The following BCAS3 variants were observed in gnomAD, a reference collection of about 807,000 sequenced individuals.
BCAS3 encodes the protein BCAS3 microtubule associated cell migration factor.
BCAS3 carries 53 observed loss-of-function variants against 116.1 expected under a neutral mutation model. The ratio of observed to expected loss-of-function variants is 0.46; its 90% CI spans 0.37 to 0.57. The LOEUF (loss-of-function observed/expected upper bound fraction) is 0.57, where lower values mean the gene tolerates loss of function less well. Among genes scored for constraint, BCAS3 ranks in the 20% least tolerant of loss-of-function variants. The pLI, the probability that BCAS3 is intolerant of heterozygous loss-of-function variation, is 0.00. For missense variants in BCAS3, 917 were observed against 1,165.4 expected, an observed-to-expected ratio of 0.79 and a Z score of 3.10; for synonymous variants, 391 against 408.2, an observed-to-expected ratio of 0.96 and a Z score of 0.51.
At position 61,365,625 on chromosome 17, in the gene BCAS3, T is replaced by C. The variant is rs1291135207; in HGVS notation, c.2426-2702T>C. Among the ~76,000 whole-genome samples, 1 of 151,834 alleles carries C rather than the reference T, an allele frequency of 6.6e-6. No individual in the cohort carries two copies. Among genetic ancestry groups the C allele is most frequent in the African/African-American group, 2.4e-5 (1 of 41,372 alleles). On this transcript the variant is annotated intron_variant, in intron 22 of 23. Coordinates refer to ENST00000407086, the MANE Select transcript of BCAS3 (RefSeq NM_017679.5). This position sits in a 1 kb window ranked among gnomAD's most constrained non-coding sequence, Gnocchi z 4.6. Reference sequence around the variant, plus strand: ...CTGGGATTACAGGCGTGAGCCACCGTGCCTGGCCCAATTTCTTTTGTTTGT... The same window carrying C: ...CTGGGATTACAGGCGTGAGCCACCGCGCCTGGCCCAATTTCTTTTGTTTGT...
At position 61,381,726 on chromosome 17, in the gene BCAS3, G is replaced by A. The variant is rs1231100073; in HGVS notation, c.2594-10251G>A. 6.6e-6 allele frequency among the ~76,000 whole-genome samples: 1 copy of A among 152,192 alleles called. No individual in the cohort carries two copies. Among genetic ancestry groups the A allele is most frequent in the Non-Finnish European group, 1.5e-5 (1 of 68,038 alleles). The stretch of plus-strand genomic sequence containing the variant: ...GGTTCACACCAACTTGCGTGTGTGT[G>A]CCTGTCCCCAGGGCCAGCATTCTTC... On this transcript the variant is annotated intron_variant, in intron 23 of 23. Transcript: ENST00000407086. The surrounding 1 kb of genome is among the most constrained non-coding windows in gnomAD (Gnocchi z 6.0).
intron 4 of BCAS3, among the ~76,000 whole-genome samples, chr17:60,706,082 G>A (rs1369767832): frequency 6.6e-6 from 1 of 151,856 alleles, no homozygotes; most frequent in African/African-American, 2.4e-5. Flanking sequence ...TTTTTATGGA[G>A]ATGGAGTTTC....
intron 14 of BCAS3, among the ~76,000 whole-genome samples, chr17:60,988,333 T>TTTTCC: frequency 9.9e-6 from 1 of 101,058 alleles, no homozygotes; most frequent in South Asian, 3.9e-4. Flanking sequence ...TTTTCTTTTC[T>TTTTCC]TTTTCTTTTT....
At position 61,074,903 on chromosome 17, in the gene BCAS3, T is replaced by C; in HGVS notation, c.2030-17T>C. On this transcript the variant is annotated splice_polypyrimidine_tract_variant and intron_variant, in intron 19 of 23. Transcript: ENST00000407086. ...CATGGAATGAAGTGGTTTAAATCTA[T>C]TTTCTTTCTCCTATAGTGGTTCCCC... 1.3e-6 allele frequency: 2 copies of C among 1,575,324 alleles called. No homozygotes were observed. The highest frequency in any genetic ancestry group is 1.7e-6 in the Non-Finnish European group (2 of 1,149,922).
intron 5 of BCAS3, among the ~76,000 whole-genome samples, chr17:60,737,205 G>T (rs998991707): frequency 1.3e-5 from 2 of 151,984 alleles, no homozygotes; most frequent in African/African-American, 4.8e-5. Context: ...CTCCCAAAAT[G>T]CTGGGATTAC....
chr17:61,285,630 TTTGA>T lies in BCAS3; in HGVS notation c.2426-82694_2426-82691del, dbSNP rs1378594797. On this transcript the variant is annotated intron_variant, in intron 22 of 23. Coordinates refer to ENST00000407086, the MANE Select transcript of BCAS3 (RefSeq NM_017679.5). This position sits in a 1 kb window ranked among gnomAD's most constrained non-coding sequence, Gnocchi z 5.4. ...TGTAAATAATGTACTTCTAATTGGC[TTTGA>T]TTAAGTGCAAATTAGAATCACACTT... Among the ~76,000 whole-genome samples, 7 of 152,358 alleles carry T rather than the reference TTTGA, an allele frequency of 4.6e-5. No individual in the cohort carries two copies. Among genetic ancestry groups the T allele is most frequent in the African/African-American group, 1.4e-4 (6 of 41,584 alleles).
chr17:61,034,780 A>G lies in BCAS3; in HGVS notation c.1752A>G (p.Lys584=). 6.2e-7 allele frequency: 1 copy of G among 1,604,190 alleles called. No individual in the cohort carries two copies. Among genetic ancestry groups the G allele is most frequent in the Non-Finnish European group, 8.5e-7 (1 of 1,177,098 alleles). Residue 584 remains lysine, a synonymous_variant, in exon 17 of 24, where the codon AAA becomes AAG. Transcript: ENST00000407086. This position sits in a 1 kb window ranked among gnomAD's most constrained non-coding sequence, Gnocchi z 5.0. The stretch of plus-strand genomic sequence containing the variant: ...GGTTTGCAAATAATGCAGGTCTGAA[A>G]AGAGAAAAAGGTATGTATTTTTACT... ...RSWFANNAGL[K]REKDQSKQVV...
chr17:60,814,895 TTCCTCAAGGATCTAGAA>T (rs2049226364), intron 7 of BCAS3, among the ~76,000 whole-genome samples: 1 of 152,198 alleles, frequency 6.6e-6, no homozygotes, highest in Non-Finnish European at 1.5e-5. Context: ...GCCTTCTAGA[TTCCTCAAGGATCTAGAA>T]CTAGAAATAC....
intron 18 of BCAS3, 127 bp from the exon 19 acceptor site, chr17:61,040,665 C>T (rs1020331959): frequency 6.6e-6 from 5 of 763,260 alleles, no homozygotes; most frequent in African/African-American, 1.7e-5. Context: ...TTAATGATTA[C>T]AAGTTCATTT....
intron 23 of BCAS3, among the ~76,000 whole-genome samples, chr17:61,385,713 AG>A (rs1454644837): frequency 6.6e-6 from 1 of 152,268 alleles, no homozygotes; most frequent in Non-Finnish European, 1.5e-5. Context: ...AGCCCCAGCA[AG>A]GGTCTTAACC....
chr17:60,868,420 G>A (rs1291864601), intron 7 of BCAS3, among the ~76,000 whole-genome samples, 156 bp from the exon 8 acceptor site: 2 of 152,002 alleles, frequency 1.3e-5, no homozygotes, highest in South Asian at 2.1e-4. Flanking sequence ...CTTAAAATAA[G>A]GGATGTATTA....
At chr17:60,886,794 C>T (rs1273251824) in intron 9 of BCAS3, among the ~76,000 whole-genome samples, 1 of 152,070 alleles carries the variant, frequency 6.6e-6, no homozygotes, top group African/African-American at 2.4e-5. Flanking sequence ...AGGAGGCAGT[C>T]TGCCGGTTCT....
intron 22 of BCAS3, among the ~76,000 whole-genome samples, chr17:61,121,470 T>C (rs2075785140): frequency 6.6e-6 from 1 of 152,198 alleles, no homozygotes; most frequent in Non-Finnish European, 1.5e-5. Flanking sequence ...CTATTTAAGA[T>C]TGTAACCACT....
At chr17:61,059,252 T>G (rs992620315) in intron 19 of BCAS3, among the ~76,000 whole-genome samples, 3 of 151,572 alleles carry the variant, frequency 2.0e-5, no homozygotes, top group Non-Finnish European at 4.4e-5. Flanking sequence ...CTGGCTAATT[T>G]TTTGTATTTT....
chr17:61,163,391 T>G (rs1187852514), intron 22 of BCAS3, among the ~76,000 whole-genome samples: 1 of 150,412 alleles, frequency 6.6e-6, no homozygotes, highest in Admixed American at 6.6e-5. Context: ...GCCACTGCAT[T>G]CCAGCCTGGG....
At position 61,026,927 on chromosome 17, in the gene BCAS3, T is replaced by C; in HGVS notation, c.1638-7739T>C. 6.3e-7 allele frequency: 1 copy of C among 1,595,304 alleles called. No homozygotes were observed. The highest frequency in any genetic ancestry group is 8.6e-7 in the Non-Finnish European group (1 of 1,169,210). On this transcript the variant is annotated intron_variant, in intron 16 of 23. Transcript: ENST00000407086. The surrounding 1 kb of genome is among the most constrained non-coding windows in gnomAD (Gnocchi z 5.0). ...AGCCCCATGGTGAGTTCCAGTTCAG[T>C]CCCGCATGCCTCATTCATTTGCTGT...
chr17:60,896,118 G>T (rs1438811049), intron 10 of BCAS3, among the ~76,000 whole-genome samples: 1 of 152,216 alleles, frequency 6.6e-6, no homozygotes, highest in Non-Finnish European at 1.5e-5. Flanking sequence ...TTGAGGTCAG[G>T]AGTTCAAGAC....
intron 22 of BCAS3, among the ~76,000 whole-genome samples, chr17:61,238,379 C>T (rs555461999): frequency 1.3e-5 from 2 of 152,076 alleles, no homozygotes; most frequent in African/African-American, 4.8e-5. Context: ...CCTGCCACCA[C>T]ACCTGGCTAA....
rs1479716338 is a variant in BCAS3 at position 61,279,101 on chromosome 17, C to G, written c.2426-89226C>G. On this transcript the variant is annotated intron_variant, in intron 22 of 23. Coordinates refer to ENST00000407086, the MANE Select transcript of BCAS3 (RefSeq NM_017679.5). This position sits in a 1 kb window ranked among gnomAD's most constrained non-coding sequence, Gnocchi z 4.4. ...AGCTGGGATTACAGGCATGTGCCAC[C>G]ATGCCTGGCTAATTTTTGTATCTTT... Among the ~76,000 whole-genome samples, 69 of 152,092 alleles carry G rather than the reference C, an allele frequency of 4.5e-4. 1 individual carries two copies. The highest frequency in any genetic ancestry group is 1.5e-5 in the Non-Finnish European group (1 of 67,976).
Sources: allele counts gnomAD v4.1 joint callset (sites outside exome capture counted in the v4.1 genomes callset), GRCh38; gene constraint gnomAD v4.1.1; non-coding constraint Gnocchi (gnomAD v3.1); transcripts MANE v1.5; gene names NCBI Gene and HGNC (gene_info 2026-07-23, HGNC 2026-07-21).